The following KLF13 variants were observed in gnomAD, a reference collection of about 807,000 sequenced individuals.
KLF13 encodes the protein Krueppel-like factor 13.
In KLF13, 8 loss-of-function variants were observed where a neutral mutation model predicts 16.7. That is an observed-to-expected ratio of 0.48 (90% confidence interval 0.28 to 0.87). KLF13 has a LOEUF of 0.87. KLF13 is among the 40% of genes least tolerant of loss of function. The pLI is 0.10. For missense variants in KLF13, 447 were observed against 452.2 expected, an observed-to-expected ratio of 0.99 and a Z score of 0.10; for synonymous variants, 245 against 208.4, an observed-to-expected ratio of 1.18 and a Z score of -1.51.
chr15:31,409,830 A>T (rs1312705873), intron 1 of KLF13, among the ~76,000 whole-genome samples: 1 of 152,140 alleles, frequency 6.6e-6, no homozygotes, highest in Non-Finnish European at 1.5e-5. Flanking sequence ...ATAAATAAAA[A>T]CTGAGAAAAT....
downstream of KLF13, among the ~76,000 whole-genome samples, chr15:31,406,848 C>T (rs978693146): frequency 1.3e-5 from 2 of 152,136 alleles, no homozygotes; most frequent in African/African-American, 4.8e-5. Flanking sequence ...CTCATTGCAC[C>T]ACCATCTCCT....
At chr15:31,334,591 C>G (rs1332262563) in intron 1 of KLF13, among the ~76,000 whole-genome samples, 3 of 152,116 alleles carry the variant, frequency 2.0e-5, no homozygotes, top group Non-Finnish European at 4.4e-5. Context: ...CCGTGCCCAG[C>G]TAATTTTTGT....
chr15:31,387,131 C>T (rs890630315), intron 1 of KLF13, among the ~76,000 whole-genome samples: 1 of 152,198 alleles, frequency 6.6e-6, no homozygotes, highest in African/African-American at 2.4e-5. Context: ...AAAGCAGTGC[C>T]AGGGTTTGAG....
chr15:31,349,959 C>CA (rs2039190610), intron 1 of KLF13, among the ~76,000 whole-genome samples: 2 of 152,234 alleles, frequency 1.3e-5, no homozygotes, highest in Admixed American at 6.5e-5. Context: ...CAAAAGTACT[C>CA]AGAGTGTTGC....
At chr15:31,384,371 G>A (rs1180189409) in intron 1 of KLF13, among the ~76,000 whole-genome samples, 1 of 152,138 alleles carries the variant, frequency 6.6e-6, no homozygotes, top group African/African-American at 2.4e-5. Flanking sequence ...GGTGGAGGTT[G>A]CAGTGAGCCG....
intron 1 of KLF13, among the ~76,000 whole-genome samples, chr15:31,351,374 G>C (rs1468705163): frequency 6.6e-6 from 1 of 152,180 alleles, no homozygotes; most frequent in African/African-American, 2.4e-5. Flanking sequence ...TAAAACGTGG[G>C]ATCATTCCAT....
intron 1 of KLF13, among the ~76,000 whole-genome samples, chr15:31,361,044 C>CCTCCTGCT (rs2039375466): frequency 6.6e-6 from 1 of 152,168 alleles, no homozygotes; most frequent in Non-Finnish European, 1.5e-5. Flanking sequence ...TCAGCTGCAG[C>CCTCCTGCT]CTCCTGCTGC....
intron 2 of KLF13, among the ~76,000 whole-genome samples, chr15:31,396,275 G>C (rs764463521): frequency 6.6e-6 from 1 of 152,004 alleles, no homozygotes; most frequent in Non-Finnish European, 1.5e-5. Context: ...TGCCCACTTC[G>C]GCCTCCCAAA....
At chr15:31,365,668 T>C (rs1011933836) in intron 1 of KLF13, among the ~76,000 whole-genome samples, 6 of 151,926 alleles carry the variant, frequency 3.9e-5, no homozygotes, top group African/African-American at 1.5e-4. Flanking sequence ...TAAGGCTGGA[T>C]TGCAGGAGAT....
chr15:31,352,610 C>T (rs2039234700), intron 1 of KLF13, among the ~76,000 whole-genome samples: 1 of 152,256 alleles, frequency 6.6e-6, no homozygotes, highest in Admixed American at 6.5e-5. Context: ...CATGTACTCT[C>T]TCCTGGGGAC....
intron 1 of KLF13, among the ~76,000 whole-genome samples, chr15:31,344,193 C>T (rs2039075849): frequency 6.6e-6 from 1 of 152,212 alleles, no homozygotes; most frequent in Non-Finnish European, 1.5e-5. Flanking sequence ...GGGCTCTCCC[C>T]ACACCCATAC....
intron 1 of KLF13, among the ~76,000 whole-genome samples, chr15:31,356,931 C>T (rs1044084601): frequency 2.0e-5 from 3 of 152,216 alleles, no homozygotes; most frequent in African/African-American, 7.2e-5. Context: ...ATTCTTGCCA[C>T]TTTCTTCACG....
intron 1 of KLF13, among the ~76,000 whole-genome samples, chr15:31,354,538 A>G (rs990674816): frequency 6.6e-6 from 1 of 151,762 alleles, no homozygotes; most frequent in Non-Finnish European, 1.5e-5. Flanking sequence ...CCACCACCAC[A>G]CCCAGCTAAT....
downstream of KLF13, among the ~76,000 whole-genome samples, chr15:31,405,078 G>A (rs1036392928): frequency 1.3e-5 from 2 of 152,198 alleles, no homozygotes; most frequent in African/African-American, 4.8e-5. Context: ...TCACCCCACT[G>A]TGATGGTATT....
At chr15:31,380,958 G>C (rs2039716222), downstream of KLF13, among the ~76,000 whole-genome samples, 1 of 152,144 alleles carries the variant, frequency 6.6e-6, no homozygotes, top group South Asian at 2.1e-4. Flanking sequence ...CAGATCACGA[G>C]GTCAGGAGTT....
At chr15:31,347,190 A>G (rs1413062976) in intron 1 of KLF13, among the ~76,000 whole-genome samples, 1 of 152,192 alleles carries the variant, frequency 6.6e-6, no homozygotes, top group Non-Finnish European at 1.5e-5. Context: ...TGGTAGCACC[A>G]GCCTTCCCAG....
upstream of KLF13, among the ~76,000 whole-genome samples, chr15:31,388,464 A>G (rs1227492523): frequency 6.6e-6 from 1 of 151,990 alleles, no homozygotes. Flanking sequence ...AAAATACAAA[A>G]TTAGCCGGGT....
intron 1 of KLF13, among the ~76,000 whole-genome samples, chr15:31,332,342 GAACGTTTAA>G (rs1221760548): frequency 6.6e-6 from 1 of 152,216 alleles, no homozygotes; most frequent in Non-Finnish European, 1.5e-5. Flanking sequence ...AGAACATTGA[GAACGTTTAA>G]AACAGTACCA....
rs1041573150 is a variant in KLF13, at chr15:31,327,565, C to G, written c.353C>G (p.Pro118Arg). 28 of 1,143,964 alleles carry G rather than the reference C, an allele frequency of 2.4e-5. No homozygotes were observed. The highest frequency in any genetic ancestry group is 6.6e-5 in the African/African-American group (4 of 60,494). The allele number at this position is 1,143,964 out of a possible 1,614,324, so 70.9% of individuals were successfully genotyped here. A position where few individuals can be genotyped will look rare whatever the true frequency, so the allele number is the denominator to read the frequency against. ...GCCGAAGGCGCGGCGGCCGCGCCCCCCAGCCCGGCGTGGAGCGAGCCGGAG... is the reference window on the plus strand; with the variant it reads ...GCCGAAGGCGCGGCGGCCGCGCCCCGCAGCCCGGCGTGGAGCGAGCCGGAG... ...PGAEGAAAAP[P>R]SPAWSEPEPE... The change falls in exon 1 of 2, where the codon CCC becomes CGC. Residue 118 changes from proline (P) to arginine (R), a missense_variant. Pro to Arg is a moderately radical substitution (Grantham distance 103). Transcript: ENST00000307145.
Sources: allele counts gnomAD v4.1 joint callset (sites outside exome capture counted in the v4.1 genomes callset), GRCh38; gene constraint gnomAD v4.1.1; transcripts MANE v1.5; gene names NCBI Gene and HGNC (gene_info 2026-07-23, HGNC 2026-07-21).